The following KCNJ15 variants were observed in gnomAD, a reference collection of about 807,000 sequenced individuals.
KCNJ15 encodes the protein ATP-sensitive inward rectifier potassium channel 15.
A neutral mutation model predicts 23.0 loss-of-function variants in KCNJ15; 14 were observed. The ratio of observed to expected loss-of-function variants is 0.61; its 90% CI spans 0.40 to 0.95. KCNJ15 has a LOEUF of 0.95. KCNJ15 is among the 40% of genes least tolerant of loss of function. KCNJ15 has a pLI of 0.00. For missense variants in KCNJ15, 388 were observed against 461.8 expected (o/e 0.84, Z 1.46); for synonymous variants, 185 against 183.2 (o/e 1.01, Z -0.08).
rs143785199 is a variant in KCNJ15, at chr21:38,300,134, C to T, written c.873C>T (p.Ser291=). ...TCAATGCCACTGTGGAATCCACCAG[C>T]GCTGTCTGCCAGAGCCGAACATCTT... ...VLLNATVEST[S]AVCQSRTSYI... Residue 291 remains serine (S), a synonymous_variant, in exon 3 of 3, where the codon AGC becomes AGT. Transcript: ENST00000398938. The T allele has an allele frequency of 1.2e-4, 197 of 1,614,082 alleles. No homozygotes were observed. Among genetic ancestry groups the T allele is most frequent in the Middle Eastern group, 1.6e-4 (1 of 6,084 alleles).
At chr21:38,234,319 C>G (rs1978458031) in intron 1 of KCNJ15, among the ~76,000 whole-genome samples, 2 of 152,000 alleles carry the variant, frequency 1.3e-5, no homozygotes, top group Admixed American at 1.3e-4. Flanking sequence ...TTTATGTGGC[C>G]CAAGACAATT....
chr21:38,276,344 A>G (rs954641338), intron 1 of KCNJ15, among the ~76,000 whole-genome samples: 2 of 152,108 alleles, frequency 1.3e-5, no homozygotes, highest in African/African-American at 4.8e-5. Flanking sequence ...AAATGGTACC[A>G]TAGTTCCATT....
At chr21:38,248,571 C>A (rs1979610406) in intron 1 of KCNJ15, among the ~76,000 whole-genome samples, 1 of 152,088 alleles carries the variant, frequency 6.6e-6, no homozygotes, top group Non-Finnish European at 1.5e-5. Context: ...TGAGGGCATG[C>A]AAATTGTTTA....
chr21:38,298,214 G>A (rs1194794491), intron 2 of KCNJ15: 1 of 152,206 alleles, frequency 6.6e-6, no homozygotes, highest in Non-Finnish European at 1.5e-5. Flanking sequence ...CAGACAGCTT[G>A]TTCCCGGCTG....
chr21:38,288,035 T>TG (rs1296117199), intron 1 of KCNJ15, among the ~76,000 whole-genome samples: 3 of 74,026 alleles, frequency 4.1e-5, no homozygotes, highest in African/African-American at 9.9e-5. Context: ...TCTTTGTTTT[T>TG]TTTTTTTTTT....
intron 1 of KCNJ15, among the ~76,000 whole-genome samples, chr21:38,289,370 G>A (rs1173544414): frequency 6.6e-6 from 1 of 152,150 alleles, no homozygotes; most frequent in Admixed American, 6.5e-5. Flanking sequence ...TCTGTTGTAG[G>A]TTTGGACTAA....
chr21:38,248,116 G>A (rs1156334851), intron 1 of KCNJ15, among the ~76,000 whole-genome samples: 1 of 152,206 alleles, frequency 6.6e-6, no homozygotes, highest in African/African-American at 2.4e-5. Flanking sequence ...GCAAATAGCA[G>A]ACATATCTTT....
At chr21:38,297,750 A>T (rs1985308224) in intron 2 of KCNJ15, among the ~76,000 whole-genome samples, 1 of 152,260 alleles carries the variant, frequency 6.6e-6, no homozygotes, top group African/African-American at 2.4e-5. Context: ...CAAGGTAAAC[A>T]AATTTTGAAT....
At chr21:38,236,435 C>G (rs1200693894) in intron 1 of KCNJ15, among the ~76,000 whole-genome samples, 1 of 152,158 alleles carries the variant, frequency 6.6e-6, no homozygotes, top group Non-Finnish European at 1.5e-5. Flanking sequence ...CTGTATTCTC[C>G]TCTGTCTGCA....
chr21:38,259,177 T>A (rs562851622), intron 1 of KCNJ15, among the ~76,000 whole-genome samples: 1 of 152,348 alleles, frequency 6.6e-6, no homozygotes, highest in East Asian at 1.9e-4. Context: ...TATCCTTTCC[T>A]GTGCAATCCC....
intron 1 of KCNJ15, among the ~76,000 whole-genome samples, chr21:38,247,350 G>GTGGA (rs143175330): frequency 0.022 from 2,914 of 135,128 alleles, 45 homozygotes; most frequent in Middle Eastern, 0.042. Flanking sequence ...AGATGCATAG[G>GTGGA]TGGATGGATG....
chr21:38,230,518 C>T (rs1988702807), intron 1 of KCNJ15, among the ~76,000 whole-genome samples: 1 of 152,032 alleles, frequency 6.6e-6, no homozygotes, highest in South Asian at 2.1e-4. Context: ...ATTTGCAGCA[C>T]AAAAATGTTT....
chr21:38,256,656 C>T (rs1464106968), upstream of KCNJ15: 1 of 151,842 alleles, frequency 6.6e-6, no homozygotes, highest in Non-Finnish European at 1.5e-5. Context: ...GCCAAAGGGA[C>T]CTTAAAATGC....
intron 1 of KCNJ15, among the ~76,000 whole-genome samples, chr21:38,288,030 GTTTTTTTTTTT>G (rs71184612): frequency 7.4e-5 from 6 of 81,424 alleles, no homozygotes; most frequent in African/African-American, 1.0e-4. Flanking sequence ...TTTTTTCTTT[GTTTTTTTTTTT>G]TTTTTTTTTT....
rs545608262 is a variant in KCNJ15, at chr21:38,270,299, G to A, written c.-117+13114G>A. ...TCTCCAATCAGATTACGAGCCCCTG[G>A]AGGGCTGACAGCACGTTGGACTTGG... On this transcript the variant is annotated intron_variant, in intron 1 of 2. Coordinates refer to ENST00000398938, the MANE Select transcript of KCNJ15 (RefSeq NM_170736.3). Among the ~76,000 whole-genome samples the A allele has an allele frequency of 2.2e-4, 33 of 152,268 alleles. 1 individual carries two copies. In the South Asian group the frequency reaches 5.8e-3, roughly 27 times the overall value.
intron 1 of KCNJ15, among the ~76,000 whole-genome samples, chr21:38,234,841 G>A (rs368695655): frequency 6.6e-6 from 1 of 152,268 alleles, no homozygotes; most frequent in African/African-American, 2.4e-5. Context: ...AATTTGTTCA[G>A]CATCCCGAGT....
intron 1 of KCNJ15, among the ~76,000 whole-genome samples, chr21:38,264,308 C>T (rs866673788): frequency 1.3e-5 from 2 of 152,242 alleles, no homozygotes; most frequent in African/African-American, 2.4e-5. Context: ...AGACTCAGGT[C>T]TGGCACTAGC....
chr21:38,261,831 A>G (rs1466843943), intron 1 of KCNJ15, among the ~76,000 whole-genome samples: 1 of 152,204 alleles, frequency 6.6e-6, no homozygotes, highest in African/African-American at 2.4e-5. Context: ...CATGAATAAT[A>G]AGCATCTTCC....
Position 38,299,597 on chromosome 21 carries a change from C to T in KCNJ15, c.336C>T (p.Asp112=). 6.2e-7 allele frequency: 1 copy of T among 1,614,138 alleles called. No homozygotes were observed. Among genetic ancestry groups the T allele is most frequent in the Non-Finnish European group, 8.5e-7 (1 of 1,180,026 alleles). Residue 112 remains aspartate, a synonymous_variant, in exon 3 of 3, where the codon GAC becomes GAT. Coordinates refer to ENST00000398938, the MANE Select transcript of KCNJ15 (RefSeq NM_170736.3). The surrounding 1 kb of genome is among the most constrained non-coding windows in gnomAD (Gnocchi z 4.5). ...SNHTPCIMKV[D]SLTGAFLFSL... ...ATACCCCCTGCATCATGAAAGTGGA[C>T]TCTCTCACTGGGGCGTTTCTCTTTT...
Sources: gnomAD v4.1 joint callset for allele counts (sites outside exome capture counted in the v4.1 genomes callset) on GRCh38, gnomAD v4.1.1 for gene constraint, Gnocchi (gnomAD v3.1) non-coding constraint, MANE v1.5 for transcripts, NCBI Gene and HGNC (gene_info 2026-07-23, HGNC 2026-07-21) for gene names.